ZBTB16: variants seen among roughly 807,000 people sequenced by gnomAD.
The protein encoded by ZBTB16 is zinc finger and BTB domain containing 16.
ZBTB16 carries 8 observed loss-of-function variants against 56.8 expected under a neutral mutation model. That is an observed-to-expected ratio of 0.14 (90% CI 0.08 to 0.25). The LOEUF (loss-of-function observed/expected upper bound fraction) is 0.25, where lower values mean the gene tolerates loss of function less well. Among genes scored for constraint, ZBTB16 ranks in the 10% least tolerant of loss-of-function variants. ZBTB16 has a pLI of 1.00. For missense variants in ZBTB16, 625 were observed against 903.0 expected (o/e 0.69, Z 3.95); for synonymous variants, 363 against 368.5 (o/e 0.98, Z 0.17).
At chr11:114,079,037 G>A (rs945596534) in intron 2 of ZBTB16, among the ~76,000 whole-genome samples, 1 of 151,460 alleles carries the variant, frequency 6.6e-6, no homozygotes, top group African/African-American at 2.4e-5. Flanking sequence ...TTGCTTGAAG[G>A]AGGCGGAGGT....
intron 4 of ZBTB16, among the ~76,000 whole-genome samples, chr11:114,213,070 C>T (rs2135134082): frequency 6.6e-6 from 1 of 152,036 alleles, no homozygotes; most frequent in South Asian, 2.1e-4. Flanking sequence ...CCCCTGTGTG[C>T]CCACAGGGGG....
chr11:114,063,193 C>T lies in ZBTB16; in HGVS notation c.-90-18C>T. 1 of 1,250,954 alleles carries T rather than the reference C, an allele frequency of 8.0e-7. No individual in the cohort carries two copies. Among genetic ancestry groups the T allele is most frequent in the Non-Finnish European group, 1.1e-6 (1 of 887,064 alleles). 77.5% of individuals were successfully genotyped at this position (1,250,954 alleles called of 1,614,324 possible). ...GTTCTCTCATCTCTTTTGCTTCTTCCCCTCTTCTTTCTCCTAGCCTCCTCT... is the reference window on the plus strand; with the variant it reads ...GTTCTCTCATCTCTTTTGCTTCTTCTCCTCTTCTTTCTCCTAGCCTCCTCT... On this transcript the variant is annotated intron_variant, in intron 1 of 6. Coordinates refer to ENST00000335953, the MANE Select transcript of ZBTB16 (RefSeq NM_006006.6). The surrounding 1 kb of genome is among the most constrained non-coding windows in gnomAD (Gnocchi z 6.5).
chr11:114,165,970 TG>T (rs1270164805), intron 3 of ZBTB16, among the ~76,000 whole-genome samples: 1 of 152,160 alleles, frequency 6.6e-6, no homozygotes, highest in Non-Finnish European at 1.5e-5. Context: ...CTCTTCTCAG[TG>T]AGGTTGCTTG....
intron 2 of ZBTB16, among the ~76,000 whole-genome samples, chr11:114,091,732 G>A (rs141642544): frequency 0.019 from 2,830 of 151,492 alleles, 94 homozygotes; most frequent in African/African-American, 0.065. Flanking sequence ...CTCTGTATGC[G>A]GCGACTGAGG....
chr11:114,244,458 G>C (rs974671296), intron 5 of ZBTB16, among the ~76,000 whole-genome samples: 11 of 152,184 alleles, frequency 7.2e-5, no homozygotes, highest in Middle Eastern at 6.8e-3. Flanking sequence ...TCATTAAAGA[G>C]GCTACAGAGT....
chr11:114,167,108 T>C lies in ZBTB16; in HGVS notation c.1366+10674T>C, dbSNP rs1942778816. The stretch of plus-strand genomic sequence containing the variant: ...GGCTAAATTTAAAATTGTAATTGGC[T>C]GACTTCCACTGGCTTGCGGGTGTTT... On this transcript the variant is annotated intron_variant, in intron 3 of 6. Coordinates refer to ENST00000335953, the MANE Select transcript of ZBTB16 (RefSeq NM_006006.6). Among the ~76,000 whole-genome samples, 4 of 151,994 alleles carry C rather than the reference T, an allele frequency of 2.6e-5. No homozygotes were observed. In the South Asian group the frequency reaches 6.2e-4, roughly 24 times the overall value.
At chr11:114,228,365 G>A (rs575047963) in intron 4 of ZBTB16, among the ~76,000 whole-genome samples, 9 of 152,250 alleles carry the variant, frequency 5.9e-5, no homozygotes, top group East Asian at 3.9e-4. Context: ...AAAGTCTACC[G>A]GTGACCAAGT....
At position 114,250,855 on chromosome 11, in the gene ZBTB16, C is replaced by G. The variant is rs1472008556; in HGVS notation, c.*300C>G. 6.6e-6 allele frequency among the ~76,000 whole-genome samples: 1 copy of G among 152,094 alleles called. No homozygotes were observed. The highest frequency in any genetic ancestry group is 1.5e-5 in the Non-Finnish European group (1 of 68,020). On this transcript the variant is annotated 3_prime_UTR_variant, in exon 7 of 7. Coordinates refer to ENST00000335953, the MANE Select transcript of ZBTB16 (RefSeq NM_006006.6). This position sits in a 1 kb window ranked among gnomAD's most constrained non-coding sequence, Gnocchi z 6.0. The stretch of plus-strand genomic sequence containing the variant: ...GTGGCACATTTTTCTCCTTCCTTCA[C>G]CCAGACCTTCTTTTATGTGTCCAGA...
chr11:114,073,042 T>G (rs1591639390), intron 2 of ZBTB16, among the ~76,000 whole-genome samples: 10 of 109,576 alleles, frequency 9.1e-5, no homozygotes, highest in African/African-American at 1.4e-4. Flanking sequence ...GGCAAAGGAG[T>G]GAGACTGTCT....
intron 3 of ZBTB16, among the ~76,000 whole-genome samples, chr11:114,168,442 C>T (rs1368487714): frequency 2.6e-5 from 4 of 152,228 alleles, no homozygotes; most frequent in African/African-American, 9.6e-5. Context: ...GAGAGAAAGA[C>T]ATTTATTGAA....
chr11:114,180,250 T>G (rs1185703965), intron 3 of ZBTB16, among the ~76,000 whole-genome samples: 2 of 152,178 alleles, frequency 1.3e-5, no homozygotes, highest in Non-Finnish European at 2.9e-5. Context: ...AGGGTGGTGC[T>G]TAGAACATCC....
chr11:114,147,651 T>C (rs1216828475), intron 2 of ZBTB16, among the ~76,000 whole-genome samples: 2 of 152,206 alleles, frequency 1.3e-5, no homozygotes, highest in Non-Finnish European at 2.9e-5. Context: ...TTTTTCCTTT[T>C]CCTTTTCTAA....
intron 4 of ZBTB16, chr11:114,209,497 C>T: frequency 2.0e-6 from 2 of 985,350 alleles, no homozygotes; most frequent in Non-Finnish European, 2.4e-6. Flanking sequence ...CCAGACCCTT[C>T]AGCTCCAGAA....
intron 4 of ZBTB16, among the ~76,000 whole-genome samples, chr11:114,206,901 C>T (rs1193188383): frequency 6.6e-6 from 1 of 152,174 alleles, no homozygotes; most frequent in Non-Finnish European, 1.5e-5. Flanking sequence ...TCTGATCTCT[C>T]AGGTGCCCTT....
chr11:114,073,795 G>A (rs1939439344), intron 2 of ZBTB16, among the ~76,000 whole-genome samples: 1 of 152,162 alleles, frequency 6.6e-6, no homozygotes, highest in South Asian at 2.1e-4. Context: ...ATTTGAAGTG[G>A]TTTTTAGAGT....
At chr11:114,130,490 C>T (rs1042563963) in intron 2 of ZBTB16, among the ~76,000 whole-genome samples, 3 of 152,218 alleles carry the variant, frequency 2.0e-5, no homozygotes, top group African/African-American at 4.8e-5. Context: ...GTGTCAGCAT[C>T]GATGGCTGGC....
chr11:114,226,085 T>C (rs1178734396), intron 4 of ZBTB16, among the ~76,000 whole-genome samples: 3 of 152,194 alleles, frequency 2.0e-5, no homozygotes, highest in Admixed American at 2.0e-4. Flanking sequence ...GTAAGCTTCT[T>C]GGGGCCAAGA....
At chr11:114,076,193 G>T (rs947405745) in intron 2 of ZBTB16, among the ~76,000 whole-genome samples, 1 of 152,190 alleles carries the variant, frequency 6.6e-6, no homozygotes, top group Non-Finnish European at 1.5e-5. Flanking sequence ...AACTTTAAAA[G>T]AAATCTGTCC....
chr11:114,062,490 G>A (rs796580394), intron 1 of ZBTB16, among the ~76,000 whole-genome samples: 9 of 152,360 alleles, frequency 5.9e-5, no homozygotes, highest in African/African-American at 9.6e-5. Context: ...TGAGGCTTCC[G>A]TGGGTAGAAA....
Sources: allele counts gnomAD v4.1 joint callset (sites outside exome capture counted in the v4.1 genomes callset), GRCh38; gene constraint gnomAD v4.1.1; non-coding constraint Gnocchi (gnomAD v3.1); transcripts MANE v1.5; gene names NCBI Gene and HGNC (gene_info 2026-07-23, HGNC 2026-07-21).